The following DCC variants were observed in gnomAD, a reference collection of about 807,000 sequenced individuals.
The protein encoded by DCC is DCC netrin 1 receptor.
A neutral mutation model predicts 172.5 loss-of-function variants in DCC; 58 were observed. The observed-to-expected ratio is 0.34, with a 90% CI of 0.27 to 0.42. The LOEUF (loss-of-function observed/expected upper bound fraction) is 0.42, where lower values mean the gene tolerates loss of function less well. Ranked by LOEUF, DCC falls within the 10% of genes least tolerant of loss-of-function variation. The pLI is 1.00. For synonymous variants in DCC, 709 were observed against 644.5 expected (o/e 1.10, Z -1.52); for missense variants, 1,740 against 1,791.0 (o/e 0.97, Z 0.51).
At chr18:53,307,629 A>G (rs2057215171) in intron 13 of DCC, among the ~76,000 whole-genome samples, 1 of 151,884 alleles carries the variant, frequency 6.6e-6, no homozygotes, top group Non-Finnish European at 1.5e-5. Flanking sequence ...AAGGATTAAT[A>G]TTCCAATAAA....
chr18:53,526,497 C>A, intron 27 of DCC, 120 bp from the exon 28 acceptor site: 1 of 1,061,940 alleles, frequency 9.4e-7, no homozygotes, highest in Non-Finnish European at 1.5e-6. Context: ...CATCTTTACA[C>A]TACAGAATGA....
At chr18:53,402,761 G>A (rs756763557) in intron 18 of DCC, 25 bp from the exon 19 acceptor site, 1 of 1,468,832 alleles carries the variant, frequency 6.8e-7, no homozygotes, top group South Asian at 1.1e-5. Flanking sequence ...CAATGACAAG[G>A]CCTTATCTCT....
At chr18:53,339,604 G>A in intron 14 of DCC, 109 bp from the exon 15 acceptor site, 2 of 840,424 alleles carry the variant, frequency 2.4e-6, no homozygotes, top group Non-Finnish European at 4.2e-6. Flanking sequence ...AATAGGTGAT[G>A]CATTATTTAT....
At position 53,534,578 on chromosome 18, in the gene DCC, A is replaced by G. The variant is rs1015025132; in HGVS notation, c.*3925A>G. ...CTTTCAGAAATCACTTTAGTATTGT[A>G]CAGAAAAGCTTTTTATTTGAGTCTA... On this transcript the variant is annotated 3_prime_UTR_variant, in exon 29 of 29. Coordinates refer to ENST00000442544, the MANE Select transcript of DCC (RefSeq NM_005215.4). The G allele has an allele frequency of 2.8e-4, 43 of 152,352 alleles. No individual in the cohort carries two copies. Among genetic ancestry groups the G allele is most frequent in the African/African-American group, 1.0e-3 (42 of 41,580 alleles). The allele number at this position is 152,352 out of a possible 1,614,324, so 9.4% of individuals were successfully genotyped here.
intron 12 of DCC, among the ~76,000 whole-genome samples, chr18:53,256,330 G>T (rs2056513420): frequency 6.6e-6 from 1 of 152,196 alleles, no homozygotes; most frequent in African/African-American, 2.4e-5. Flanking sequence ...TTTCTTCAGG[G>T]TTTTTATGGT....
intron 1 of DCC, among the ~76,000 whole-genome samples, chr18:52,703,171 T>C (rs1304153143): frequency 6.6e-6 from 1 of 152,210 alleles, no homozygotes; most frequent in Non-Finnish European, 1.5e-5. Flanking sequence ...TTCTGAATTT[T>C]GAATATCTCT....
intron 1 of DCC, among the ~76,000 whole-genome samples, chr18:52,546,266 G>A (rs1038991171): frequency 6.6e-6 from 1 of 152,122 alleles, no homozygotes; most frequent in African/African-American, 2.4e-5. Context: ...GAGAATAGGA[G>A]TGGTGTTGAT....
intron 7 of DCC, among the ~76,000 whole-genome samples, chr18:53,108,587 A>C (rs1019616600): frequency 1.3e-5 from 2 of 151,806 alleles, no homozygotes; most frequent in African/African-American, 4.8e-5. Flanking sequence ...AAACCAAAAA[A>C]CTTGTTTCTA....
chr18:52,724,751 A>T (rs554736274), intron 1 of DCC, among the ~76,000 whole-genome samples: 4 of 152,154 alleles, frequency 2.6e-5, no homozygotes, highest in Non-Finnish European at 5.9e-5. Context: ...TCATCATGTC[A>T]CTCAAACACC....
chr18:52,534,485 C>T (rs1424116018), intron 1 of DCC, among the ~76,000 whole-genome samples: 2 of 152,026 alleles, frequency 1.3e-5, no homozygotes, highest in African/African-American at 2.4e-5. Flanking sequence ...TTTGCATTTC[C>T]CAGACCCTCC....
At chr18:52,550,449 C>T (rs528567537) in intron 1 of DCC, among the ~76,000 whole-genome samples, 2 of 152,082 alleles carry the variant, frequency 1.3e-5, no homozygotes, top group Admixed American at 6.6e-5. Context: ...ATTTGATGAA[C>T]GGTTTCTCAC....
At chr18:53,334,540 C>T (rs1367451737) in intron 14 of DCC, among the ~76,000 whole-genome samples, 1 of 152,182 alleles carries the variant, frequency 6.6e-6, no homozygotes, top group Non-Finnish European at 1.5e-5. Flanking sequence ...CTCTTTTCAT[C>T]TTGCAAAAGT....
intron 2 of DCC, among the ~76,000 whole-genome samples, chr18:52,879,898 G>T (rs1397763136): frequency 1.3e-5 from 2 of 152,034 alleles, no homozygotes; most frequent in Non-Finnish European, 2.9e-5. Flanking sequence ...TTAAATTTTT[G>T]TGGGTACATA....
intron 15 of DCC, among the ~76,000 whole-genome samples, chr18:53,362,721 T>G (rs1339285900): frequency 1.3e-5 from 2 of 152,172 alleles, no homozygotes; most frequent in African/African-American, 2.4e-5. Flanking sequence ...ATACTTTTGT[T>G]TTCTGTGAGT....
intron 5 of DCC, among the ~76,000 whole-genome samples, chr18:52,982,861 T>C (rs1335348426): frequency 6.6e-6 from 1 of 152,194 alleles, no homozygotes; most frequent in African/African-American, 2.4e-5. Context: ...ATGTCAAACA[T>C]GCAGTTTCAG....
intron 1 of DCC, among the ~76,000 whole-genome samples, chr18:52,416,782 G>C (rs1333140807): frequency 2.0e-5 from 3 of 152,106 alleles, no homozygotes; most frequent in Admixed American, 2.0e-4. Flanking sequence ...CACTTGAGAT[G>C]GGTTTCCTGA....
At chr18:53,241,267 A>G (rs955956608) in intron 12 of DCC, among the ~76,000 whole-genome samples, 2 of 152,188 alleles carry the variant, frequency 1.3e-5, no homozygotes, top group African/African-American at 4.8e-5. Context: ...GCTTCAGGTC[A>G]GAGTAGCCAT....
At chr18:52,400,999 G>C (rs1986416546) in intron 1 of DCC, among the ~76,000 whole-genome samples, 1 of 152,020 alleles carries the variant, frequency 6.6e-6, no homozygotes, top group South Asian at 2.1e-4. Context: ...TGTAGATGAT[G>C]AGTTGATGGG....
intron 1 of DCC, among the ~76,000 whole-genome samples, chr18:52,715,295 C>CTTTTTTTTTTT (rs10658253): frequency 6.9e-6 from 1 of 144,786 alleles, no homozygotes; most frequent in Non-Finnish European, 1.5e-5. Flanking sequence ...TTTTTCTTTT[C>CTTTTTTTTTTT]TTTTTTTTTT....
Sources: allele counts gnomAD v4.1 joint callset (sites outside exome capture counted in the v4.1 genomes callset), GRCh38; gene constraint gnomAD v4.1.1; transcripts MANE v1.5; gene names NCBI Gene and HGNC (gene_info 2026-07-23, HGNC 2026-07-21).